Variants in GREB1L observed in about 807,000 individuals in gnomAD.
The protein encoded by GREB1L is GREB1-like protein.
Under a neutral mutation model 200.8 loss-of-function variants are expected in GREB1L, and 17 were observed. The observed-to-expected ratio is 0.08, with a 90% CI of 0.06 to 0.13. The LOEUF is 0.13. Among genes scored for constraint, GREB1L ranks in the 10% least tolerant of loss-of-function variants. The pLI, the probability that GREB1L is intolerant of heterozygous loss-of-function variation, is 1.00. For synonymous variants in GREB1L, 789 were observed against 893.0 expected, an observed-to-expected ratio of 0.88 and a Z score of 2.08; for missense variants, 1,657 against 2,367.7, an observed-to-expected ratio of 0.70 and a Z score of 6.23.
chr18:21,499,150 G>A (rs1485202660), intron 21 of GREB1L, among the ~76,000 whole-genome samples: 1 of 152,232 alleles, frequency 6.6e-6, no homozygotes, highest in Admixed American at 6.5e-5. Context: ...GAGCTGATCT[G>A]AAGCCAGAGG....
intron 1 of GREB1L, among the ~76,000 whole-genome samples, chr18:21,312,707 C>T (rs926249114): frequency 2.0e-5 from 3 of 152,064 alleles, no homozygotes; most frequent in African/African-American, 4.8e-5. Flanking sequence ...GCGCATGCCA[C>T]CATGCCCAAC....
intron 1 of GREB1L, among the ~76,000 whole-genome samples, chr18:21,345,303 C>G (rs1267859013): frequency 6.6e-6 from 1 of 152,136 alleles, no homozygotes; most frequent in African/African-American, 2.4e-5. Flanking sequence ...GAAAAGGTAC[C>G]ATCATCCACC....
rs553611954 is a variant in GREB1L, at chr18:21,439,496, G to T, written c.833-25G>T. ...GTGCCCCGCCCAGCCTCTGTTCTGA[G>T]CACTCCTCTCCTTGTGTTCTACAGA... On this transcript the variant is annotated intron_variant, in intron 7 of 32. Coordinates refer to ENST00000424526, the MANE Select transcript of GREB1L (RefSeq NM_001142966.3). 7 of 1,370,196 alleles carry T rather than the reference G, an allele frequency of 5.1e-6. No homozygotes were observed. In the South Asian group the frequency reaches 7.5e-5, roughly 15 times the overall value. The allele number at this position is 1,370,196 out of a possible 1,614,324, so 84.9% of individuals were successfully genotyped here. A position where few individuals can be genotyped will look rare whatever the true frequency, so the allele number is the denominator to read the frequency against.
chr18:21,501,080 A>AG (rs1414200743), intron 23 of GREB1L, among the ~76,000 whole-genome samples: 278 of 150,874 alleles, frequency 1.8e-3, no homozygotes, highest in Admixed American at 3.6e-3. Flanking sequence ...AAAAAAAAAA[A>AG]AAAGAAAGAA....
chr18:21,412,918 G>A (rs149269079), intron 7 of GREB1L, among the ~76,000 whole-genome samples: 262 of 152,208 alleles, frequency 1.7e-3, no homozygotes, highest in African/African-American at 5.9e-3. Flanking sequence ...AGTATCATAG[G>A]CAGGGATGCT....
Position 21,520,701 on chromosome 18 carries a change from A to C in GREB1L, c.5486A>C (p.Tyr1829Ser), listed in dbSNP as rs769118539. ...LNIGPEVAIC[Y>S]ISSRPHSSNV... ...TGATGATTTCAGGTGGCCATATGCT[A>C]TATCAGCTCCAGACCCCACTCCAGC... is the stretch of plus-strand genomic sequence containing the variant. The change falls in exon 32 of 33, where the codon TAT becomes TCT. Residue 1829 changes from tyrosine to serine, a missense_variant. Around this residue, in one of 9 missense-constraint regions of GREB1L, gnomAD observed 190 missense variants for 230.2 expected, o/e 0.83. Coordinates refer to ENST00000424526, the MANE Select transcript of GREB1L (RefSeq NM_001142966.3). 1.3e-6 allele frequency: 2 copies of C among 1,551,652 alleles called. No homozygotes were observed. Among genetic ancestry groups the C allele is most frequent in the Admixed American group, 2.0e-5 (1 of 50,994 alleles).
At chr18:21,435,609 G>T (rs2033484766) in intron 7 of GREB1L, among the ~76,000 whole-genome samples, 1 of 152,138 alleles carries the variant, frequency 6.6e-6, no homozygotes, top group African/African-American at 2.4e-5. Context: ...TCAGATTCAG[G>T]GAACAGCAGA....
At chr18:21,369,183 A>C (rs572919683) in intron 2 of GREB1L, among the ~76,000 whole-genome samples, 1 of 152,180 alleles carries the variant, frequency 6.6e-6, no homozygotes, top group Non-Finnish European at 1.5e-5. Flanking sequence ...GATTGTTGTG[A>C]TAAATCCCCA....
intron 15 of GREB1L, among the ~76,000 whole-genome samples, chr18:21,456,005 G>A (rs1460921128): frequency 4.8e-5 from 7 of 147,016 alleles, no homozygotes; most frequent in Admixed American, 4.2e-4. Flanking sequence ...CTGGGTTCAA[G>A]CAATTCTCCT....
In GREB1L at chr18:21,525,198, A is replaced by G. The variant is rs529324018; in HGVS notation, c.*2377A>G. ...AACGAAAAACTAGAAGACAATTGTT[A>G]TAATTTTTTTTGGCTGTAATTTATG... On this transcript the variant is annotated 3_prime_UTR_variant, in exon 33 of 33. Transcript: ENST00000424526. The G allele has an allele frequency of 3.3e-5, 5 of 152,240 alleles. No homozygotes were observed. The highest frequency in any genetic ancestry group is 3.9e-4 in the East Asian group (2 of 5,182). 9.4% of individuals were successfully genotyped at this position (152,240 alleles called of 1,614,324 possible). A position where few individuals can be genotyped will look rare whatever the true frequency, so the allele number is the denominator to read the frequency against.
chr18:21,303,449 A>C (rs988624273), intron 1 of GREB1L, among the ~76,000 whole-genome samples: 1 of 152,246 alleles, frequency 6.6e-6, no homozygotes, highest in Non-Finnish European at 1.5e-5. Context: ...GAACTAAACT[A>C]TTAAGCATAA....
At chr18:21,289,051 T>C (rs1302469176) in intron 1 of GREB1L, among the ~76,000 whole-genome samples, 4 of 152,108 alleles carry the variant, frequency 2.6e-5, no homozygotes, top group African/African-American at 9.7e-5. Context: ...CCATGCTTTC[T>C]TTCTCTTTCT....
intron 1 of GREB1L, among the ~76,000 whole-genome samples, chr18:21,355,982 CTTTTTTTTTTT>C (rs869238658): frequency 9.2e-6 from 1 of 109,176 alleles, no homozygotes; most frequent in Non-Finnish European, 1.9e-5. Flanking sequence ...AATTAGGCTT[CTTTTTTTTTTT>C]TTTTTTTTTT....
At chr18:21,432,880 T>C (rs1440820380) in intron 7 of GREB1L, among the ~76,000 whole-genome samples, 3 of 151,940 alleles carry the variant, frequency 2.0e-5, no homozygotes, top group Non-Finnish European at 4.4e-5. Context: ...CTAATTTTTG[T>C]ATTTTTAGTA....
chr18:21,281,059 A>G (rs2038261089), intron 1 of GREB1L, among the ~76,000 whole-genome samples: 2 of 152,032 alleles, frequency 1.3e-5, no homozygotes, highest in East Asian at 1.9e-4. Flanking sequence ...CCCACCCACA[A>G]CTCTGGCTGT....
chr18:21,354,102 T>G (rs2143384273), intron 1 of GREB1L, among the ~76,000 whole-genome samples: 1 of 152,326 alleles, frequency 6.6e-6, no homozygotes, highest in Admixed American at 6.5e-5. Flanking sequence ...AAATTAATTC[T>G]TTCGTAATTG....
chr18:21,432,673 A>T, intron 7 of GREB1L, among the ~76,000 whole-genome samples: 1 of 143,544 alleles, frequency 7.0e-6, no homozygotes, highest in East Asian at 2.0e-4. Flanking sequence ...TTTTTTTTTT[A>T]ATTAAAAATT....
Position 21,508,610 on chromosome 18 carries a change from A to G in GREB1L, c.4735+19A>G. 6.6e-7 allele frequency: 1 copy of G among 1,511,500 alleles called. No homozygotes were observed. 93.6% of individuals were successfully genotyped at this position (1,511,500 alleles called of 1,614,324 possible). ...GGCGTGGGTAAGGGGCCCCCCTGGG[A>G]TGGGGAGAAGGGCTTCGAAGATAAA... On this transcript the variant is annotated intron_variant, in intron 27 of 32. Coordinates refer to ENST00000424526, the MANE Select transcript of GREB1L (RefSeq NM_001142966.3).
At chr18:21,378,085 A>G (rs758312719) in intron 2 of GREB1L, among the ~76,000 whole-genome samples, 4 of 152,180 alleles carry the variant, frequency 2.6e-5, no homozygotes, top group Non-Finnish European at 5.9e-5. Flanking sequence ...GTATCTTTCC[A>G]TCTTCTGCCT....
Sources: allele counts gnomAD v4.1 joint callset (sites outside exome capture counted in the v4.1 genomes callset), GRCh38; gene constraint gnomAD v4.1.1; regional missense constraint gnomAD v4.1.1; transcripts MANE v1.5; gene names NCBI Gene and HGNC (gene_info 2026-07-23, HGNC 2026-07-21).